The following SLC15A5 variants were observed in gnomAD, a reference collection of about 807,000 sequenced individuals.
SLC15A5 encodes the protein Peptide/histidine transporter ENSP00000340402.
A neutral mutation model predicts 56.1 loss-of-function variants in SLC15A5; 58 were observed. The ratio of observed to expected loss-of-function variants is 1.03; its 90% CI spans 0.84 to 1.29. The LOEUF (loss-of-function observed/expected upper bound fraction) is 1.29, where lower values mean the gene tolerates loss of function less well. Among genes scored for constraint, SLC15A5 ranks in the 50% most tolerant of loss-of-function variants. SLC15A5 has a pLI of 0.00. For synonymous variants in SLC15A5, 264 were observed against 250.5 expected, an observed-to-expected ratio of 1.05 and a Z score of -0.51; for missense variants, 681 against 672.1, an observed-to-expected ratio of 1.01 and a Z score of -0.15.
intron 5 of SLC15A5, among the ~76,000 whole-genome samples, chr12:16,232,539 A>G (rs1437359714): frequency 9.2e-5 from 14 of 152,232 alleles, no homozygotes; most frequent in African/African-American, 3.4e-4. Flanking sequence ...CAATAAGATG[A>G]AATTTTAGAA....
intron 5 of SLC15A5, among the ~76,000 whole-genome samples, chr12:16,226,740 T>C (rs893164651): frequency 6.6e-6 from 1 of 152,200 alleles, no homozygotes; most frequent in African/African-American, 2.4e-5. Context: ...TTTGAGGAAT[T>C]ATCTAGAAGT....
rs5796657 is a variant in SLC15A5, at chr12:16,223,721, CTT to C, written c.1351+691_1351+692del. 3.7e-4 allele frequency among the ~76,000 whole-genome samples: 54 copies of C among 146,596 alleles called. 1 individual carries two copies. The highest frequency in any genetic ancestry group is 7.5e-4 in the Admixed American group (11 of 14,688). ...TCATTTTTGGAGGAGTATAAATGAG[CTT>C]TTTTTTTTTTTGAGATGGAGTCTCA... On this transcript the variant is annotated intron_variant, in intron 6 of 8. Transcript: ENST00000344941.
At chr12:16,234,771 C>T (rs770166628) in intron 5 of SLC15A5, among the ~76,000 whole-genome samples, 28 of 152,094 alleles carry the variant, frequency 1.8e-4, no homozygotes, top group East Asian at 1.9e-4. Context: ...AAAGACATTC[C>T]GAATTTATTG....
intron 7 of SLC15A5, among the ~76,000 whole-genome samples, chr12:16,214,441 G>T (rs1377844711): frequency 1.3e-5 from 2 of 152,320 alleles, no homozygotes; most frequent in African/African-American, 4.8e-5. Flanking sequence ...GACCCGGAAT[G>T]GAGAGTGGGC....
chr12:16,226,826 T>A (rs2136250583), intron 5 of SLC15A5, among the ~76,000 whole-genome samples: 1 of 152,332 alleles, frequency 6.6e-6, no homozygotes, highest in South Asian at 2.1e-4. Context: ...CATTTAGCAT[T>A]CATATTACTG....
At chr12:16,214,124 T>TA (rs376073043) in intron 7 of SLC15A5, among the ~76,000 whole-genome samples, 1 of 152,154 alleles carries the variant, frequency 6.6e-6, no homozygotes, top group African/African-American at 2.4e-5. Flanking sequence ...TCGTTACATT[T>TA]AAAAAATTAG....
rs1051555909 is a variant in SLC15A5, at chr12:16,277,515, G to A, written c.171C>T (p.Phe57=). 2.7e-5 allele frequency: 42 copies of A among 1,536,264 alleles called. No individual in the cohort carries two copies. Among genetic ancestry groups the A allele is most frequent in the Non-Finnish European group, 3.6e-5 (41 of 1,146,334 alleles). ...GGATCATGTTGCAGACGACTTCAAA[G>A]AACGTGAACCTCTCACACAGCTCCA... ...LLVELCERFT[F]FEVVCNMIPF... The change falls in exon 1 of 9, where the codon TTC becomes TTT. Residue 57 remains phenylalanine (F), a synonymous_variant. Transcript: ENST00000344941.
chr12:16,262,772 C>T (rs1375451413), intron 2 of SLC15A5, among the ~76,000 whole-genome samples: 2 of 152,096 alleles, frequency 1.3e-5, no homozygotes, highest in African/African-American at 2.4e-5. Flanking sequence ...GTGATGCTCT[C>T]GTGATAGCGA....
chr12:16,207,371 G>A (rs1864030551), intron 7 of SLC15A5, among the ~76,000 whole-genome samples: 1 of 152,208 alleles, frequency 6.6e-6, no homozygotes, highest in African/African-American at 2.4e-5. Context: ...TAATAGCGTA[G>A]ATATAATGAT....
At chr12:16,245,170 A>C (rs929458068) in intron 3 of SLC15A5, among the ~76,000 whole-genome samples, 2 of 152,222 alleles carry the variant, frequency 1.3e-5, no homozygotes, top group Non-Finnish European at 2.9e-5. Context: ...TCCTTAACAC[A>C]AAGAACTAGT....
At chr12:16,203,795 G>A (rs1190462488) in intron 7 of SLC15A5, among the ~76,000 whole-genome samples, 1 of 152,066 alleles carries the variant, frequency 6.6e-6, no homozygotes, top group South Asian at 2.1e-4. Flanking sequence ...TAATTTTGCT[G>A]AAAAAGTAAA....
At position 16,265,645 on chromosome 12, in the gene SLC15A5, A is replaced by AT. The variant is rs927488406; in HGVS notation, c.584+6915dup. Reference sequence around the variant, plus strand: ...AGGTGCACACCACCATGCCTAGCTAATTTTTTTTTGTATTTTTTGTAGAGA... The same window carrying AT: ...AGGTGCACACCACCATGCCTAGCTAATTTTTTTTTTGTATTTTTTGTAGAGA... On this transcript the variant is annotated intron_variant, in intron 2 of 8. Transcript: ENST00000344941. 1.6e-4 allele frequency among the ~76,000 whole-genome samples: 24 copies of AT among 150,932 alleles called. 1 individual carries two copies. Among genetic ancestry groups the AT allele is most frequent in the East Asian group, 1.2e-3 (6 of 5,104 alleles).
intron 3 of SLC15A5, among the ~76,000 whole-genome samples, chr12:16,252,122 T>C (rs992550777): frequency 6.6e-6 from 1 of 152,040 alleles, no homozygotes; most frequent in Non-Finnish European, 1.5e-5. Context: ...CCTTTCATGA[T>C]AAAAACATTA....
chr12:16,239,622 A>T (rs1023199543), intron 5 of SLC15A5, 59 bp downstream of exon 5: 1 of 1,470,154 alleles, frequency 6.8e-7, no homozygotes, highest in Admixed American at 2.1e-5. Flanking sequence ...GGATCTTAGC[A>T]GAATGTTGTT....
chr12:16,216,832 G>A lies in SLC15A5; in HGVS notation c.1483+61C>T, dbSNP rs1463256628. 7 of 1,396,312 alleles carry A rather than the reference G, an allele frequency of 5.0e-6. No individual in the cohort carries two copies. In the African/African-American group the frequency reaches 1.0e-4, roughly 20 times the overall value. 86.5% of individuals were successfully genotyped at this position (1,396,312 alleles called of 1,614,324 possible). ...GACAAAGCCCCTTTCTTAAGATTTG[G>A]TCTCCCCATTCCCTAGTCATCAACT... On this transcript the variant is annotated intron_variant, in intron 7 of 8. Transcript: ENST00000344941.
At chr12:16,221,041 C>A (rs535245087) in intron 6 of SLC15A5, among the ~76,000 whole-genome samples, 4 of 151,992 alleles carry the variant, frequency 2.6e-5, no homozygotes, top group Admixed American at 6.6e-5. Context: ...TGTCTACTGT[C>A]ATTTATGGAG....
In SLC15A5 at chr12:16,224,466, C is replaced by G. The variant is rs1024545952; in HGVS notation, c.1299G>C (p.Leu433=). 6.5e-7 allele frequency: 1 copy of G among 1,537,076 alleles called. No homozygotes were observed. Among genetic ancestry groups the G allele is most frequent in the African/African-American group, 1.4e-5 (1 of 73,022 alleles). The change falls in exon 6 of 9, where the codon CTG becomes CTC. Residue 433 remains leucine (L), a synonymous_variant. Transcript: ENST00000344941. ...CTCCAAGTAAAACATACTGAAGAAT[C>G]AGGTAGAAACAGGGCATGGAGGAAA... The part of the protein sequence containing the change: ...LTVSSMPCFY[L]ILQYVLLGVA...
At chr12:16,194,753 C>T (rs1565654806) in intron 7 of SLC15A5, among the ~76,000 whole-genome samples, 1 of 151,972 alleles carries the variant, frequency 6.6e-6, no homozygotes, top group Admixed American at 6.6e-5. Context: ...CTTGCAGGAG[C>T]CATGTGTGTA....
intron 7 of SLC15A5, 21 bp downstream of exon 7, chr12:16,216,872 A>G: frequency 1.3e-6 from 2 of 1,531,376 alleles, no homozygotes; most frequent in Non-Finnish European, 8.7e-7. Flanking sequence ...GTATATAAGC[A>G]TGCCACGAAC....
Sources: gnomAD v4.1 joint callset for allele counts (sites outside exome capture counted in the v4.1 genomes callset) on GRCh38, gnomAD v4.1.1 for gene constraint, MANE v1.5 for transcripts, NCBI Gene and HGNC (gene_info 2026-07-23, HGNC 2026-07-21) for gene names.